PRPSAP2: variants seen among roughly 807,000 people sequenced by gnomAD.
PRPSAP2 encodes the protein phosphoribosyl pyrophosphate synthase-associated protein 2.
PRPSAP2 carries 24 observed loss-of-function variants against 40.6 expected under a neutral mutation model. The ratio of observed to expected loss-of-function variants is 0.59; its 90% CI spans 0.43 to 0.83. The LOEUF (loss-of-function observed/expected upper bound fraction) is 0.83, where lower values mean the gene tolerates loss of function less well. PRPSAP2 is among the 40% of genes least tolerant of loss of function. The pLI is 0.00. For missense variants in PRPSAP2, 292 were observed against 465.6 expected (o/e 0.63, Z 3.43); for synonymous variants, 149 against 164.7 (o/e 0.90, Z 0.73).
Position 18,911,824 on chromosome 17 carries a change from T to C in PRPSAP2, c.733+573T>C, listed in dbSNP as rs1377464341. Among the ~76,000 whole-genome samples the C allele has an allele frequency of 6.6e-6, 1 of 152,214 alleles. No homozygotes were observed. The highest frequency in any genetic ancestry group is 2.4e-5 in the African/African-American group (1 of 41,468). Reference sequence around the variant, plus strand: ...ATGAAATACCTTAGACTGGGTAATATAAACAACAAATTTATTGCTCACAGT... The same window carrying C: ...ATGAAATACCTTAGACTGGGTAATACAAACAACAAATTTATTGCTCACAGT... On this transcript the variant is annotated intron_variant, in intron 9 of 11. Coordinates refer to ENST00000268835, the MANE Select transcript of PRPSAP2 (RefSeq NM_002767.4). This position sits in a 1 kb window ranked among gnomAD's most constrained non-coding sequence, Gnocchi z 4.5.
chr17:18,877,712 C>T lies in PRPSAP2; in HGVS notation c.254C>T (p.Thr85Ile). ...CTTTGTTACAGGGACGTGAACACCA[C>T]CATCATGGAGCTCCTGATCATGGTG... The part of the protein sequence containing the change: ...IQTVSKDVNT[T>I]IMELLIMVYA... The change falls in exon 6 of 12, where the codon ACC becomes ATC. Residue 85 changes from threonine to isoleucine, a missense_variant. Around this residue, in one of 2 missense-constraint regions of PRPSAP2, gnomAD observed 241 missense variants for 425.7 expected, o/e 0.57. Coordinates refer to ENST00000268835, the MANE Select transcript of PRPSAP2 (RefSeq NM_002767.4). 1.2e-6 allele frequency: 2 copies of T among 1,608,388 alleles called. No individual in the cohort carries two copies. Among genetic ancestry groups the T allele is most frequent in the Non-Finnish European group, 1.7e-6 (2 of 1,178,294 alleles).
At chr17:18,877,575 G>GT (rs112755492) in intron 5 of PRPSAP2, 123 bp from the exon 6 acceptor site, 12 of 914,244 alleles carry the variant, frequency 1.3e-5, no homozygotes, top group Admixed American at 3.2e-5. Flanking sequence ...TTATTGGTTG[G>GT]TTTTTTTCTG....
rs557737744 is a variant in PRPSAP2, at chr17:18,895,225, A to G, written c.584+5348A>G. On this transcript the variant is annotated intron_variant, in intron 8 of 11. Transcript: ENST00000268835. ...TTCAGCCTCCTAAGTAGCTAGGACT[A>G]TAGGTGTGCACCACCATGCCTGGCT... 9.9e-5 allele frequency among the ~76,000 whole-genome samples: 15 copies of G among 151,836 alleles called. No homozygotes were observed. In the South Asian group the frequency reaches 2.9e-3, roughly 29 times the overall value.
intron 9 of PRPSAP2, among the ~76,000 whole-genome samples, chr17:18,916,508 AG>A (rs1165581715): frequency 2.6e-5 from 4 of 151,476 alleles, no homozygotes; most frequent in African/African-American, 7.3e-5. Flanking sequence ...CAGCCTCCTG[AG>A]TAGCTGGGAT....
intron 8 of PRPSAP2, among the ~76,000 whole-genome samples, chr17:18,894,478 TC>T (rs1284438758): frequency 7.0e-6 from 1 of 142,386 alleles, no homozygotes; most frequent in Non-Finnish European, 1.5e-5. Context: ...TTTTCAATAG[TC>T]TTTTTTTTTT....
intron 10 of PRPSAP2, among the ~76,000 whole-genome samples, chr17:18,927,831 G>A (rs1463575325): frequency 1.3e-5 from 2 of 152,144 alleles, no homozygotes; most frequent in African/African-American, 4.8e-5. Flanking sequence ...CCAGGTTGGA[G>A]TGCAGTGGCT....
chr17:18,930,309 G>A (rs1436395330), intron 11 of PRPSAP2, among the ~76,000 whole-genome samples: 1 of 152,204 alleles, frequency 6.6e-6, no homozygotes, highest in East Asian at 1.9e-4. Context: ...AGGAGGCAGA[G>A]CTTGCAGTGA....
chr17:18,896,056 C>T (rs562083274), intron 8 of PRPSAP2, among the ~76,000 whole-genome samples: 3 of 152,310 alleles, frequency 2.0e-5, no homozygotes, highest in Admixed American at 6.5e-5. Flanking sequence ...AAAGTGTGAG[C>T]CACCATGCCC....
chr17:18,879,363 C>CA (rs1255107368), intron 6 of PRPSAP2, among the ~76,000 whole-genome samples: 4 of 152,200 alleles, frequency 2.6e-5, no homozygotes, highest in Admixed American at 2.6e-4. Context: ...TGGCTCACTG[C>CA]AACCTCCACC....
chr17:18,860,636 G>C (rs1054990200), intron 1 of PRPSAP2: 4 of 152,218 alleles, frequency 2.6e-5, no homozygotes, highest in African/African-American at 9.7e-5. Context: ...TGGCCTAGTA[G>C]CTGGAAGGCA....
chr17:18,887,428 G>A (rs1428663324), intron 7 of PRPSAP2, among the ~76,000 whole-genome samples: 1 of 151,828 alleles, frequency 6.6e-6, no homozygotes, highest in African/African-American at 2.4e-5. Context: ...AGCAGCGAGG[G>A]GGTTTCACCA....
At chr17:18,917,566 ATTATTATTATTATTATTATTTTT>A (rs1481034257) in intron 9 of PRPSAP2, 23 of 26,072 alleles carry the variant, frequency 8.8e-4, no homozygotes, top group African/African-American at 3.4e-3. Flanking sequence ...TATTATTATT[ATTATTATTATTATTATTATTTTT>A]TTTTTTTTTT....
intron 9 of PRPSAP2, among the ~76,000 whole-genome samples, chr17:18,918,418 G>A (rs901789942): frequency 8.5e-5 from 13 of 152,196 alleles, no homozygotes; most frequent in African/African-American, 2.9e-4. Context: ...GTGGTGAGAC[G>A]TTCAGTGATG....
At chr17:18,871,664 T>C (rs1320251021) in intron 4 of PRPSAP2, among the ~76,000 whole-genome samples, 1 of 149,838 alleles carries the variant, frequency 6.7e-6, no homozygotes, top group South Asian at 2.2e-4. Context: ...TTTTTTTTTT[T>C]TTTTTTTTTT....
chr17:18,885,675 C>A (rs368554286), intron 7 of PRPSAP2, among the ~76,000 whole-genome samples: 1 of 152,136 alleles, frequency 6.6e-6, no homozygotes, highest in Non-Finnish European at 1.5e-5. Flanking sequence ...GCAACCTCCC[C>A]CTCCCAGGTT....
chr17:18,901,056 C>G (rs548419745), intron 8 of PRPSAP2, among the ~76,000 whole-genome samples: 2 of 152,282 alleles, frequency 1.3e-5, no homozygotes, highest in South Asian at 4.1e-4. Context: ...GAAGTACAGG[C>G]TCACCCCTCA....
chr17:18,908,206 G>A (rs2040721364), intron 8 of PRPSAP2: 2 of 666,184 alleles, frequency 3.0e-6, no homozygotes, highest in Admixed American at 2.5e-5. Flanking sequence ...CCTGCAAGAG[G>A]CCACGGAGCC....
At chr17:18,924,463 T>C (rs1417761339) in intron 10 of PRPSAP2, among the ~76,000 whole-genome samples, 1 of 152,230 alleles carries the variant, frequency 6.6e-6, no homozygotes, top group African/African-American at 2.4e-5. Flanking sequence ...AATGCTATTG[T>C]TTATTTTAAA....
At chr17:18,860,129 A>T (rs2036894027) in intron 1 of PRPSAP2, among the ~76,000 whole-genome samples, 1 of 151,872 alleles carries the variant, frequency 6.6e-6, no homozygotes, top group South Asian at 2.1e-4. Flanking sequence ...GCGCGATCTC[A>T]GCTCACTGCA....
Sources: gnomAD v4.1 joint callset for allele counts (sites outside exome capture counted in the v4.1 genomes callset) on GRCh38, gnomAD v4.1.1 for gene constraint, gnomAD v4.1.1 regional missense constraint, Gnocchi (gnomAD v3.1) non-coding constraint, MANE v1.5 for transcripts, NCBI Gene and HGNC (gene_info 2026-07-23, HGNC 2026-07-21) for gene names.